Variants in TENM3 observed in about 807,000 individuals in gnomAD.
TENM3 encodes teneurin-3.
In TENM3, 63 loss-of-function variants were observed where a neutral mutation model predicts 255.1. The observed-to-expected ratio is 0.25, with a 90% CI of 0.20 to 0.30. The LOEUF (loss-of-function observed/expected upper bound fraction) is 0.30. TENM3 is among the 10% of genes least tolerant of loss of function. The pLI is 1.00. For missense variants in TENM3, 2,929 were observed against 3,461.1 expected (o/e 0.85, Z 3.86); for synonymous variants, 1,306 against 1,322.3 (o/e 0.99, Z 0.27).
the TENM3 span, among the ~76,000 whole-genome samples, chr4:181,685,981 G>A: frequency 2.0e-5 from 3 of 152,134 alleles, no homozygotes; most frequent in Non-Finnish European, 2.9e-5. Context: ...TTTAGCCATC[G>A]AAGGTGTTTT....
In TENM3 at chr4:182,224,900, C is replaced by T. The variant is rs545197996; in HGVS notation, c.-76+80146C>T. ...TACAGTCACGCGCCGCCACACCTGG[C>T]TAATTTTTGTATTTTTAGTGACGGG... On this transcript the variant is annotated intron_variant, in intron 1 of 2. Coordinates refer to the TENM3 transcript ENST00000512480. Among the ~76,000 whole-genome samples the T allele has an allele frequency of 6.6e-5, 10 of 152,120 alleles. No individual in the cohort carries two copies. In the South Asian group the frequency reaches 1.9e-3, roughly 28 times the overall value.
At chr4:181,722,270 C>G in the TENM3 span, among the ~76,000 whole-genome samples, 243 of 152,256 alleles carry the variant, frequency 1.6e-3, no homozygotes, top group Non-Finnish European at 2.8e-3. Flanking sequence ...AAGCCTAGAC[C>G]AGTTCATGGC....
intron 2 of TENM3, among the ~76,000 whole-genome samples, chr4:182,325,627 A>AT (rs995881365): frequency 2.1e-4 from 32 of 152,294 alleles, no homozygotes; most frequent in African/African-American, 7.0e-4. Context: ...ATCAGTGTAC[A>AT]TTTTTTCAAC....
intron 3 of TENM3, among the ~76,000 whole-genome samples, chr4:182,549,336 G>A (rs953918921): frequency 1.3e-5 from 2 of 152,114 alleles, no homozygotes; most frequent in African/African-American, 2.4e-5. Context: ...TTTTCTTTTC[G>A]TTCCTTTCCA....
intron 3 of TENM3, among the ~76,000 whole-genome samples, chr4:182,485,069 T>G (rs1192908258): frequency 4.6e-5 from 7 of 152,078 alleles, no homozygotes; most frequent in African/African-American, 1.7e-4. Flanking sequence ...ATCTTATACC[T>G]CCTATAAATA....
At chr4:181,946,120 T>C in the TENM3 span, among the ~76,000 whole-genome samples, 2 of 152,302 alleles carry the variant, frequency 1.3e-5, no homozygotes, top group African/African-American at 2.4e-5. Context: ...GTTTTTATTT[T>C]TCACCATTAT....
At chr4:182,454,094 A>G (rs752309008) in intron 3 of TENM3, among the ~76,000 whole-genome samples, 12 of 152,184 alleles carry the variant, frequency 7.9e-5, no homozygotes, top group Admixed American at 1.3e-4. Flanking sequence ...GGTCGAAGTC[A>G]GATGCAAGGA....
intron 1 of TENM3, among the ~76,000 whole-genome samples, chr4:182,284,442 T>C (rs1376262276): frequency 2.0e-5 from 3 of 152,218 alleles, no homozygotes; most frequent in African/African-American, 7.2e-5. Context: ...TAAATCTATC[T>C]GCGGATCGTA....
chr4:182,412,325 G>T (rs557787052), intron 3 of TENM3, among the ~76,000 whole-genome samples: 1 of 152,222 alleles, frequency 6.6e-6, no homozygotes, highest in South Asian at 2.1e-4. Flanking sequence ...GGGGTTAGGT[G>T]AATGAAGGCA....
chr4:182,694,474 C>T (rs1009531996), intron 12 of TENM3, among the ~76,000 whole-genome samples: 2 of 152,226 alleles, frequency 1.3e-5, no homozygotes, highest in Non-Finnish European at 2.9e-5. Context: ...ATGTATTTTT[C>T]TTCTAGTAAT....
intron 16 of TENM3, among the ~76,000 whole-genome samples, chr4:182,731,757 A>G (rs2152713895): frequency 6.7e-6 from 1 of 149,960 alleles, no homozygotes; most frequent in East Asian, 2.0e-4. Context: ...AGACATTGTT[A>G]TAGTAGGATA....
At chr4:181,731,965 C>A in the TENM3 span, among the ~76,000 whole-genome samples, 1 of 152,164 alleles carries the variant, frequency 6.6e-6, no homozygotes, top group Non-Finnish European at 1.5e-5. Context: ...CATGGCCAGG[C>A]TGTATTTTAT....
chr4:181,641,994 G>C, the TENM3 span, among the ~76,000 whole-genome samples: 1 of 150,938 alleles, frequency 6.6e-6, no homozygotes, highest in Non-Finnish European at 1.5e-5. Context: ...CCCAGTAATG[G>C]GATTGCTGGG....
At chr4:181,771,568 G>T in the TENM3 span, among the ~76,000 whole-genome samples, 1 of 152,168 alleles carries the variant, frequency 6.6e-6, no homozygotes, top group African/African-American at 2.4e-5. Flanking sequence ...ATTCTGTCTT[G>T]TCCTCAGAGA....
the TENM3 span, among the ~76,000 whole-genome samples, chr4:182,018,344 T>C: frequency 6.6e-6 from 1 of 151,848 alleles, no homozygotes; most frequent in Non-Finnish European, 1.5e-5. Context: ...CTAAACTATT[T>C]GCCTAACTCA....
the TENM3 span, among the ~76,000 whole-genome samples, chr4:181,670,034 A>G: frequency 0.15 from 23,356 of 152,246 alleles, 2,228 homozygotes; most frequent in East Asian, 0.23. Flanking sequence ...TTTTATTTTC[A>G]TAGATATACT....
At chr4:181,467,718 A>G in the TENM3 span, among the ~76,000 whole-genome samples, 1 of 152,138 alleles carries the variant, frequency 6.6e-6, no homozygotes, top group East Asian at 1.9e-4. Context: ...ACAGAGCAGA[A>G]CACAAAGAAA....
chr4:182,438,111 A>G (rs1016399583), intron 3 of TENM3, among the ~76,000 whole-genome samples: 2 of 152,188 alleles, frequency 1.3e-5, no homozygotes, highest in Non-Finnish European at 2.9e-5. Context: ...AGAGTTACCA[A>G]GGTTACACAG....
intron 3 of TENM3, among the ~76,000 whole-genome samples, chr4:182,494,764 C>T (rs559865260): frequency 3.9e-5 from 6 of 152,180 alleles, no homozygotes; most frequent in East Asian, 1.9e-4. Context: ...GTGTTTTACT[C>T]GAAGGTATGC....
Sources: allele counts gnomAD v4.1 joint callset (sites outside exome capture counted in the v4.1 genomes callset), GRCh38; gene constraint gnomAD v4.1.1; transcripts MANE v1.5; gene names NCBI Gene and HGNC (gene_info 2026-07-23, HGNC 2026-07-21).